ARMC2: variants seen among roughly 807,000 people sequenced by gnomAD.
The protein encoded by ARMC2 is armadillo repeat-containing protein 2.
A neutral mutation model predicts 90.3 loss-of-function variants in ARMC2; 67 were observed. The observed-to-expected ratio is 0.74, with a 90% confidence interval of 0.61 to 0.91. ARMC2 has a LOEUF of 0.91. Among genes scored for constraint, ARMC2 ranks in the 40% least tolerant of loss-of-function variants. The pLI is 0.00. For synonymous variants in ARMC2, 393 were observed against 393.0 expected (o/e 1.00, Z 0.00); for missense variants, 920 against 1,030.9 (o/e 0.89, Z 1.47).
the ARMC2 span, among the ~76,000 whole-genome samples, chr6:109,004,631 C>T: frequency 1.3e-5 from 2 of 152,066 alleles, no homozygotes; most frequent in African/African-American, 4.8e-5. Context: ...AGGGTTTCAC[C>T]ATGTTAGCCA....
chr6:108,979,558 G>A, the ARMC2 span, among the ~76,000 whole-genome samples: 7 of 152,076 alleles, frequency 4.6e-5, no homozygotes, highest in Non-Finnish European at 8.8e-5. Context: ...GATTGGGGAA[G>A]TTCTCCTGGT....
intron 4 of ARMC2, among the ~76,000 whole-genome samples, chr6:108,871,925 A>G (rs982712619): frequency 1.3e-5 from 2 of 152,246 alleles, no homozygotes; most frequent in Non-Finnish European, 2.9e-5. Flanking sequence ...GCCAGCATTC[A>G]GGAAATACTG....
chr6:108,919,220 G>A (rs903928599), intron 10 of ARMC2, among the ~76,000 whole-genome samples: 1 of 152,170 alleles, frequency 6.6e-6, no homozygotes, highest in Non-Finnish European at 1.5e-5. Context: ...GCTGGCCGGG[G>A]TCTTTTAACT....
chr6:108,864,406 G>A (rs911000126), intron 3 of ARMC2, among the ~76,000 whole-genome samples: 2 of 151,806 alleles, frequency 1.3e-5, no homozygotes, highest in Admixed American at 1.3e-4. Context: ...CCACCACCAT[G>A]CCCAGCTAAT....
chr6:108,953,661 A>T (rs759995531), intron 13 of ARMC2, among the ~76,000 whole-genome samples: 1 of 152,256 alleles, frequency 6.6e-6, no homozygotes, highest in Non-Finnish European at 1.5e-5. Context: ...TACTCAGCAA[A>T]TGAAGAAAAC....
chr6:108,960,301 C>T (rs562203424), intron 13 of ARMC2, among the ~76,000 whole-genome samples: 2 of 152,364 alleles, frequency 1.3e-5, no homozygotes, highest in East Asian at 1.9e-4. Flanking sequence ...CGCCATCACC[C>T]GTGTCCACGC....
chr6:108,924,957 C>T (rs531713464), intron 10 of ARMC2, among the ~76,000 whole-genome samples: 2 of 152,134 alleles, frequency 1.3e-5, no homozygotes, highest in African/African-American at 2.4e-5. Flanking sequence ...GGGTGGGGCC[C>T]GGGAGTTTAG....
Position 108,962,024 on chromosome 6 carries a change from G to T in ARMC2, c.2049G>T (p.Lys683Asn). 1 of 1,609,848 alleles carries T rather than the reference G, an allele frequency of 6.2e-7. No homozygotes were observed. The highest frequency in any genetic ancestry group is 1.3e-5 in the African/African-American group (1 of 74,826). The change falls in exon 15 of 18, where the codon AAG becomes AAT. Residue 683 changes from lysine (K) to asparagine (N), a missense_variant. Coordinates refer to ENST00000392644, the MANE Select transcript of ARMC2 (RefSeq NM_032131.6). ...GGTCGCCAAATCCAGTGCTCTTAAAGCTTCTTGTCAGTAACAACATGGATG... is the reference window on the plus strand; with the variant it reads ...GGTCGCCAAATCCAGTGCTCTTAAATCTTCTTGTCAGTAACAACATGGATG... ...KKLYIAELLL[K>N]LLVSNNMDGI...
chr6:109,003,209 TA>T, the ARMC2 span, among the ~76,000 whole-genome samples: 1 of 151,966 alleles, frequency 6.6e-6, no homozygotes, highest in Non-Finnish European at 1.5e-5. Context: ...TAGTGTCATT[TA>T]AAAATTTTTT....
the ARMC2 span, among the ~76,000 whole-genome samples, chr6:108,985,531 T>TAAC: frequency 6.6e-6 from 1 of 152,240 alleles, no homozygotes; most frequent in Non-Finnish European, 1.5e-5. Context: ...ATTGAAACAT[T>TAAC]AACTTTGTAT....
At chr6:108,853,361 G>A (rs1774198801) in intron 1 of ARMC2, among the ~76,000 whole-genome samples, 1 of 152,058 alleles carries the variant, frequency 6.6e-6, no homozygotes, top group East Asian at 1.9e-4. Context: ...AGTTTCCTGG[G>A]GCATGTGTCA....
At chr6:109,038,691 T>G in the ARMC2 span, among the ~76,000 whole-genome samples, 1 of 152,190 alleles carries the variant, frequency 6.6e-6, no homozygotes, top group Non-Finnish European at 1.5e-5. Flanking sequence ...CAATTTATAT[T>G]TAAAATATTT....
chr6:108,961,866 T>A, intron 14 of ARMC2, 148 bp from the exon 15 acceptor site: 2 of 990,998 alleles, frequency 2.0e-6, no homozygotes, highest in South Asian at 1.8e-5. Flanking sequence ...TGGGAAAAAT[T>A]AGTTTCTTAG....
At position 108,894,467 on chromosome 6, in the gene ARMC2, G is replaced by A; in HGVS notation, c.672G>A (p.Gly224=). The A allele has an allele frequency of 6.2e-7, 1 of 1,607,366 alleles. No individual in the cohort carries two copies. Among genetic ancestry groups the A allele is most frequent in the Non-Finnish European group, 8.5e-7 (1 of 1,177,578 alleles). ...TGAGTGTTTTATGTATTCCTCCTAG[G>A]GACCAGGGGAAGAGACATGCGAGGG... is the stretch of plus-strand genomic sequence containing the variant. ...TSLPSHLKNG[G]DQGKRHARAS... The change falls in exon 6 of 18, where the codon GGG becomes GGA. Residue 224 remains glycine (G), a splice_region_variant and synonymous_variant. Transcript: ENST00000392644.
At chr6:109,010,202 C>G in the ARMC2 span, among the ~76,000 whole-genome samples, 1 of 152,108 alleles carries the variant, frequency 6.6e-6, no homozygotes, top group South Asian at 2.1e-4. Flanking sequence ...TAAGCGCCCT[C>G]CCTGGGTTAT....
intron 11 of ARMC2, 60 bp from the exon 12 acceptor site, chr6:108,936,840 T>C (rs1169767832): frequency 4.5e-6 from 6 of 1,337,552 alleles, no homozygotes; most frequent in African/African-American, 2.9e-5. Flanking sequence ...ATACTATGTG[T>C]ACTTGAATTT....
chr6:108,973,519 A>G lies in ARMC2; in HGVS notation c.*5A>G. On this transcript the variant is annotated 3_prime_UTR_variant, in exon 18 of 18. Transcript: ENST00000392644. Reference sequence around the variant, plus strand: ...CTGCCCATTCCCTCTTTCTAACATGATGCAGATTAACAGTAGAAACGAGAA... The same window carrying G: ...CTGCCCATTCCCTCTTTCTAACATGGTGCAGATTAACAGTAGAAACGAGAA... The G allele has an allele frequency of 6.2e-7, 1 of 1,606,576 alleles. No homozygotes were observed.
the ARMC2 span, among the ~76,000 whole-genome samples, chr6:109,020,723 T>G: frequency 1.3e-5 from 2 of 152,200 alleles, no homozygotes; most frequent in Admixed American, 6.5e-5. Flanking sequence ...ACCTCAGATT[T>G]GCTCAAACTG....
At chr6:108,997,741 T>C in the ARMC2 span, among the ~76,000 whole-genome samples, 1,171 of 152,234 alleles carry the variant, frequency 7.7e-3, 21 homozygotes, top group African/African-American at 0.027. Context: ...ACTCAGAAAA[T>C]GCATGTAAAG....
Sources: gnomAD v4.1 joint callset for allele counts (sites outside exome capture counted in the v4.1 genomes callset) on GRCh38, gnomAD v4.1.1 for gene constraint, MANE v1.5 for transcripts, NCBI Gene and HGNC (gene_info 2026-07-23, HGNC 2026-07-21) for gene names.